Variants in ZNF91 observed in about 807,000 individuals in gnomAD.
ZNF91 encodes the protein zinc finger protein 91 (HPF7, HTF10).
In ZNF91, 7 loss-of-function variants were observed where a neutral mutation model predicts 12.6. The observed-to-expected ratio is 0.55, with a 90% CI of 0.31 to 1.04. ZNF91 has a LOEUF of 1.04. Among genes scored for constraint, ZNF91 ranks in the 50% least tolerant of loss-of-function variants. The probability of loss-of-function intolerance (pLI) is 0.05; values close to 1 mark genes in which losing one functional copy is unlikely to be tolerated. For synonymous variants in ZNF91, 453 were observed against 462.6 expected, an observed-to-expected ratio of 0.98 and a Z score of 0.27; for missense variants, 1,217 against 1,385.4, an observed-to-expected ratio of 0.88 and a Z score of 1.93.
intron 1 of ZNF91, among the ~76,000 whole-genome samples, chr19:23,382,463 A>C (rs1311319701): frequency 1.3e-5 from 2 of 152,250 alleles, no homozygotes; most frequent in African/African-American, 2.4e-5. Context: ...GCACTAATAG[A>C]CAGATAATTG....
chr19:23,392,575 T>C (rs532662606), intron 1 of ZNF91, among the ~76,000 whole-genome samples: 1 of 151,994 alleles, frequency 6.6e-6, no homozygotes, highest in Admixed American at 6.6e-5. Flanking sequence ...GGAAAAATCA[T>C]GAGGGCAGGA....
chr19:23,327,275 CTTT>C (rs1227640573), intron 1 of ZNF91: 1 of 152,092 alleles, frequency 6.6e-6, no homozygotes, highest in Non-Finnish European at 1.5e-5. Flanking sequence ...GGAGAACATA[CTTT>C]ACCCTGATAC....
intron 1 of ZNF91, among the ~76,000 whole-genome samples, chr19:23,320,055 C>A (rs571917290): frequency 6.6e-6 from 1 of 152,172 alleles, no homozygotes; most frequent in African/African-American, 2.4e-5. Flanking sequence ...GGTATGCACA[C>A]CCTGCCAATC....
At chr19:23,327,172 G>T (rs940356660) in intron 1 of ZNF91, 1 of 151,996 alleles carries the variant, frequency 6.6e-6, no homozygotes, top group African/African-American at 2.4e-5. Flanking sequence ...AACCTACAGG[G>T]TATAAATCTT....
At chr19:23,357,628 C>CA (rs1244805988), downstream of ZNF91, 1 of 151,954 alleles carries the variant, frequency 6.6e-6, no homozygotes, top group East Asian at 1.9e-4. Flanking sequence ...TGCTTGCAGG[C>CA]AGAGGCCACA....
intron 1 of ZNF91, among the ~76,000 whole-genome samples, chr19:23,319,663 G>A (rs1190083733): frequency 6.6e-6 from 1 of 152,174 alleles, no homozygotes; most frequent in Non-Finnish European, 1.5e-5. Context: ...TGGACCCCGC[G>A]ACAAGGTGGT....
chr19:23,305,552 T>C (rs933568463), intron 3 of ZNF91, among the ~76,000 whole-genome samples: 2 of 152,180 alleles, frequency 1.3e-5, no homozygotes, highest in African/African-American at 4.8e-5. Context: ...TCAAATCAGG[T>C]CATTACAGTC....
At chr19:23,365,210 A>C (rs1968953999) in intron 3 of ZNF91, among the ~76,000 whole-genome samples, 1 of 152,118 alleles carries the variant, frequency 6.6e-6, no homozygotes, top group Non-Finnish European at 1.5e-5. Flanking sequence ...TACTTGATTT[A>C]AATTTATTTC....
intron 3 of ZNF91, among the ~76,000 whole-genome samples, chr19:23,346,157 C>A (rs1968226850): frequency 6.6e-6 from 1 of 152,144 alleles, no homozygotes; most frequent in South Asian, 2.1e-4. Flanking sequence ...AGACTCAGTT[C>A]ATTTCCAGAA....
chr19:23,314,004 A>G (rs1008602001), upstream of ZNF91, among the ~76,000 whole-genome samples: 1 of 152,164 alleles, frequency 6.6e-6, no homozygotes, highest in Non-Finnish European at 1.5e-5. Flanking sequence ...ACTTCTGCCA[A>G]GTACCTGAGT....
At chr19:23,312,938 C>T (rs1395286763), upstream of ZNF91, among the ~76,000 whole-genome samples, 1 of 152,204 alleles carries the variant, frequency 6.6e-6, no homozygotes, top group African/African-American at 2.4e-5. Flanking sequence ...GGAAAATTGA[C>T]TCTTATATGT....
chr19:23,385,157 C>T, intron 1 of ZNF91: 2 of 708,046 alleles, frequency 2.8e-6, no homozygotes, highest in Non-Finnish European at 5.1e-6. Context: ...CATCCCGCGT[C>T]ATGCAAGCTC....
chr19:23,390,151 T>G (rs1280253741), intron 1 of ZNF91, among the ~76,000 whole-genome samples: 1 of 152,082 alleles, frequency 6.6e-6, no homozygotes, highest in Non-Finnish European at 1.5e-5. Flanking sequence ...ACTCTGTCTC[T>G]AGTAAAAATG....
intron 1 of ZNF91, 77 bp downstream of exon 1, chr19:23,395,248 G>A (rs191380006): frequency 3.0e-5 from 47 of 1,565,704 alleles, no homozygotes; most frequent in Non-Finnish European, 3.5e-5. Flanking sequence ...GAAGGCCTGA[G>A]GCTCGCCACA....
chr19:23,323,045 TTCC>T (rs957917901), intron 1 of ZNF91, among the ~76,000 whole-genome samples: 12 of 148,276 alleles, frequency 8.1e-5, no homozygotes, highest in East Asian at 4.1e-4. Context: ...TCCTTTTTGT[TTCC>T]TCCTCCTTTC....
At chr19:23,320,369 T>C (rs1292649165) in intron 1 of ZNF91, among the ~76,000 whole-genome samples, 2 of 152,194 alleles carry the variant, frequency 1.3e-5, no homozygotes, top group Non-Finnish European at 2.9e-5. Context: ...ATTGTATTAG[T>C]TCATTTTCAC....
At chr19:23,365,370 G>A (rs1212315986) in intron 3 of ZNF91, among the ~76,000 whole-genome samples, 1 of 151,444 alleles carries the variant, frequency 6.6e-6, no homozygotes, top group Non-Finnish European at 1.5e-5. Flanking sequence ...GTTTTAGGAG[G>A]CAAGCCTGTC....
At chr19:23,374,792 T>G in intron 1 of ZNF91, 28 bp from the exon 2 acceptor site, 1 of 1,602,240 alleles carries the variant, frequency 6.2e-7, no homozygotes, top group South Asian at 1.1e-5. Context: ...ACACACATAT[T>G]TACAAAGTGG....
intron 1 of ZNF91, chr19:23,385,320 G>C: frequency 2.3e-6 from 1 of 438,466 alleles, no homozygotes; most frequent in East Asian, 3.4e-5. Flanking sequence ...TTCCTTTGGG[G>C]TAGAAGGTAC....
Sources: gnomAD v4.1 joint callset for allele counts (sites outside exome capture counted in the v4.1 genomes callset) on GRCh38, gnomAD v4.1.1 for gene constraint, MANE v1.5 for transcripts, NCBI Gene and HGNC (gene_info 2026-07-23, HGNC 2026-07-21) for gene names.